UNC5C: variants seen among roughly 807,000 people sequenced by gnomAD.
The protein encoded by UNC5C is netrin receptor UNC5C.
UNC5C carries 47 observed loss-of-function variants against 99.8 expected under a neutral mutation model. That is an observed-to-expected ratio of 0.47 (90% CI 0.37 to 0.60). The LOEUF is 0.60. UNC5C is among the 20% of genes least tolerant of loss of function. The probability of loss-of-function intolerance (pLI) is 0.00; values close to 1 mark genes in which losing one functional copy is unlikely to be tolerated. For synonymous variants in UNC5C, 487 were observed against 452.2 expected, an observed-to-expected ratio of 1.08 and a Z score of -0.98; for missense variants, 1,062 against 1,165.9, an observed-to-expected ratio of 0.91 and a Z score of 1.30.
In UNC5C at chr4:95,328,198, A is replaced by G. The variant is rs867867270; in HGVS notation, c.346+7212T>C. Among the ~76,000 whole-genome samples the G allele has an allele frequency of 4.3e-3, 411 of 95,850 alleles. 2 individuals carry two copies. Among genetic ancestry groups the G allele is most frequent in the African/African-American group, 0.014 (392 of 28,920 alleles). 62.9% of individuals were successfully genotyped at this position (95,850 alleles called of 152,430 possible). On this transcript the variant is annotated intron_variant, in intron 2 of 15. Transcript: ENST00000453304. ...TCATCTAGCATTAGGTATATCTCCCAATGCTATCCCTCCCCCCTCCCCCGA... is the reference window on the plus strand; with the variant it reads ...TCATCTAGCATTAGGTATATCTCCCGATGCTATCCCTCCCCCCTCCCCCGA...
chr4:95,182,832 CCA>C (rs1371867582), intron 14 of UNC5C, 63 bp downstream of exon 14: 2 of 1,535,502 alleles, frequency 1.3e-6, no homozygotes, highest in Non-Finnish European at 1.8e-6. Flanking sequence ...CCCTTTTAGC[CCA>C]CACACTCTGT....
intron 1 of UNC5C, among the ~76,000 whole-genome samples, chr4:95,480,325 G>T (rs1721100152): frequency 6.6e-6 from 1 of 151,650 alleles, no homozygotes; most frequent in African/African-American, 2.4e-5. Context: ...CTGGTTCTCT[G>T]GAGAAAGATG....
chr4:95,253,702 C>A (rs1354768646), intron 4 of UNC5C, among the ~76,000 whole-genome samples: 5 of 152,170 alleles, frequency 3.3e-5, no homozygotes, highest in Non-Finnish European at 7.3e-5. Flanking sequence ...GCCCAGGACT[C>A]CTCCAGCTTC....
intron 14 of UNC5C, among the ~76,000 whole-genome samples, chr4:95,172,526 G>T (rs1402343333): frequency 6.6e-6 from 1 of 151,900 alleles, no homozygotes; most frequent in Non-Finnish European, 1.5e-5. Flanking sequence ...TTTTTCTCAG[G>T]TTAGTCAAAG....
intron 1 of UNC5C, among the ~76,000 whole-genome samples, chr4:95,391,429 T>A (rs1462568262): frequency 1.3e-5 from 2 of 152,150 alleles, no homozygotes; most frequent in African/African-American, 4.8e-5. Flanking sequence ...ATCTAAATCA[T>A]TTTTCAGTAT....
At position 95,383,991 on chromosome 4, in the gene UNC5C, AT is replaced by A. The variant is rs1745142749; in HGVS notation, c.125-48361del. 2.0e-5 allele frequency among the ~76,000 whole-genome samples: 3 copies of A among 152,194 alleles called. No individual in the cohort carries two copies. The South Asian group carries it at 6.2e-4, about 32-fold the overall frequency. ...GGGAACTAGATTGTCTCAGAATGTTATTTTACTTCAATACTAAACACATTTG... is the reference window on the plus strand; with the variant it reads ...GGGAACTAGATTGTCTCAGAATGTTATTTACTTCAATACTAAACACATTTG... On this transcript the variant is annotated intron_variant, in intron 1 of 15. Transcript: ENST00000453304.
At chr4:95,250,117 A>G (rs2149381751) in intron 5 of UNC5C, among the ~76,000 whole-genome samples, 1 of 152,290 alleles carries the variant, frequency 6.6e-6, no homozygotes, top group Middle Eastern at 3.4e-3. Flanking sequence ...TGACTGAGAA[A>G]GGGCTGAGGT....
Position 95,415,353 on chromosome 4 carries a change from T to TAA in UNC5C, c.125-79724_125-79723dup, listed in dbSNP as rs111365218. The stretch of plus-strand genomic sequence containing the variant: ...CAGCAAAAGATATCATTAAAATTGT[T>TAA]AAAAAAAAAACAAAACAAAACCCTA... On this transcript the variant is annotated intron_variant, in intron 1 of 15. Transcript: ENST00000453304. Among the ~76,000 whole-genome samples, 46 of 147,586 alleles carry TAA rather than the reference T, an allele frequency of 3.1e-4. No individual in the cohort carries two copies. The South Asian group carries it at 4.9e-3, about 16-fold the overall frequency.
chr4:95,520,175 C>A (rs998572600), intron 1 of UNC5C, among the ~76,000 whole-genome samples: 1 of 152,152 alleles, frequency 6.6e-6, no homozygotes, highest in African/African-American at 2.4e-5. Context: ...ATCTCTAGAT[C>A]TTTCTACAGA....
intron 1 of UNC5C, among the ~76,000 whole-genome samples, chr4:95,484,931 T>C (rs1050139605): frequency 6.6e-6 from 1 of 151,888 alleles, no homozygotes; most frequent in African/African-American, 2.4e-5. Context: ...TTTGAACCTG[T>C]AAACACTTCA....
intron 5 of UNC5C, among the ~76,000 whole-genome samples, chr4:95,245,534 T>C (rs776013939): frequency 2.0e-5 from 3 of 152,186 alleles, no homozygotes; most frequent in Non-Finnish European, 4.4e-5. Flanking sequence ...ATCTATAGCA[T>C]GGGAACAGAA....
intron 1 of UNC5C, among the ~76,000 whole-genome samples, chr4:95,479,618 C>T (rs915015003): frequency 4.0e-5 from 6 of 151,784 alleles, no homozygotes; most frequent in Non-Finnish European, 5.9e-5. Context: ...AACCATCTTT[C>T]GCAGAAAGAA....
intron 1 of UNC5C, among the ~76,000 whole-genome samples, chr4:95,424,241 T>A (rs1746398737): frequency 1.3e-5 from 2 of 151,982 alleles, no homozygotes; most frequent in South Asian, 4.2e-4. Flanking sequence ...ACCTTTGACA[T>A]CCCTCCCTAC....
rs1736044232 is a variant in UNC5C at position 95,170,324 on chromosome 4, A to G, written c.2460T>C (p.Thr820=). 5 of 1,614,116 alleles carry G rather than the reference A, an allele frequency of 3.1e-6. No homozygotes were observed. Among genetic ancestry groups the G allele is most frequent in the Non-Finnish European group, 4.2e-6 (5 of 1,179,932 alleles). The change falls in exon 15 of 16, where the codon ACT becomes ACC. Residue 820 remains threonine (T), a synonymous_variant. Coordinates refer to ENST00000453304, the MANE Select transcript of UNC5C (RefSeq NM_003728.4). The stretch of plus-strand genomic sequence containing the variant: ...GATCCAGCAGCGGCAAATCGATGCC[A>G]GTAGGTTCCTGTAGTTCAGGGACAG... The part of the protein sequence containing the change: ...QLNCTVSEEP[T]GIDLPLLDPA...
At chr4:95,485,086 TCTGC>T (rs1253893087) in intron 1 of UNC5C, among the ~76,000 whole-genome samples, 13 of 151,850 alleles carry the variant, frequency 8.6e-5, no homozygotes, top group African/African-American at 2.7e-4. Flanking sequence ...CCATTTATAT[TCTGC>T]CTTTCTTTCT....
intron 1 of UNC5C, among the ~76,000 whole-genome samples, chr4:95,537,577 G>A (rs902642742): frequency 6.6e-5 from 10 of 151,998 alleles, no homozygotes; most frequent in Non-Finnish European, 1.3e-4. Context: ...GTAAATTTGC[G>A]GTAAAACTTC....
At chr4:95,426,613 C>T (rs1746494302) in intron 1 of UNC5C, among the ~76,000 whole-genome samples, 1 of 152,080 alleles carries the variant, frequency 6.6e-6, no homozygotes, top group Admixed American at 6.5e-5. Flanking sequence ...CTTCATGAAG[C>T]CAATTAAAAG....
chr4:95,440,200 C>T (rs1266752764), intron 1 of UNC5C, among the ~76,000 whole-genome samples: 4 of 152,032 alleles, frequency 2.6e-5, no homozygotes, highest in African/African-American at 4.8e-5. Context: ...CAGAAGTACA[C>T]GTAATGGAGA....
intron 1 of UNC5C, among the ~76,000 whole-genome samples, chr4:95,448,225 TGTGAGA>T (rs1205142862): frequency 1.5e-4 from 16 of 105,734 alleles, no homozygotes; most frequent in South Asian, 6.4e-4. Context: ...TGTGTGTGTG[TGTGAGA>T]GAGAGAGAGA....
Sources: allele counts gnomAD v4.1 joint callset (sites outside exome capture counted in the v4.1 genomes callset), GRCh38; gene constraint gnomAD v4.1.1; transcripts MANE v1.5; gene names NCBI Gene and HGNC (gene_info 2026-07-23, HGNC 2026-07-21).